ST8SIA4: variants seen among roughly 807,000 people sequenced by gnomAD.
ST8SIA4 encodes ST8 alpha-N-acetyl-neuraminide alpha-2,8-sialyltransferase 4, also known as CMP-N-acetylneuraminate-poly-alpha-2,8-sialyltransferase.
A neutral mutation model predicts 33.9 loss-of-function variants in ST8SIA4; 15 were observed. That is an observed-to-expected ratio of 0.44 (90% CI 0.30 to 0.68). The LOEUF (loss-of-function observed/expected upper bound fraction) is 0.68. Among genes scored for constraint, ST8SIA4 ranks in the 30% least tolerant of loss-of-function variants. The probability of loss-of-function intolerance (pLI) is 0.10; values close to 1 mark genes in which losing one functional copy is unlikely to be tolerated. For missense variants in ST8SIA4, 321 were observed against 428.0 expected, an observed-to-expected ratio of 0.75 and a Z score of 2.21; for synonymous variants, 171 against 151.2, an observed-to-expected ratio of 1.13 and a Z score of -0.96.
chr5:100,839,563 C>G (rs904837401), intron 4 of ST8SIA4, among the ~76,000 whole-genome samples: 5 of 151,902 alleles, frequency 3.3e-5, no homozygotes. Flanking sequence ...GTTTCCTCTT[C>G]TTGTCTATGA....
At chr5:100,871,174 T>G (rs1484943870) in intron 3 of ST8SIA4, among the ~76,000 whole-genome samples, 6 of 152,140 alleles carry the variant, frequency 3.9e-5, no homozygotes, top group African/African-American at 1.4e-4. Context: ...ATTTTTTTTC[T>G]GTTCCAGAAA....
chr5:100,896,610 G>A (rs1752785519), intron 1 of ST8SIA4, among the ~76,000 whole-genome samples: 1 of 152,088 alleles, frequency 6.6e-6, no homozygotes, highest in South Asian at 2.1e-4. Flanking sequence ...ATGCTTTTGA[G>A]GTGATGGATA....
At chr5:100,839,621 A>G (rs1561390432) in intron 4 of ST8SIA4, among the ~76,000 whole-genome samples, 1 of 151,974 alleles carries the variant, frequency 6.6e-6, no homozygotes, top group Non-Finnish European at 1.5e-5. Flanking sequence ...AGACAGAAAC[A>G]GCTCAAGATC....
At chr5:100,879,578 T>A (rs1752373324) in intron 3 of ST8SIA4, among the ~76,000 whole-genome samples, 2 of 152,178 alleles carry the variant, frequency 1.3e-5, no homozygotes, top group South Asian at 4.1e-4. Flanking sequence ...ACATGTAAAG[T>A]AGCCTCTACC....
intron 3 of ST8SIA4, among the ~76,000 whole-genome samples, chr5:100,872,491 A>G (rs933996955): frequency 3.3e-5 from 5 of 152,108 alleles, no homozygotes; most frequent in South Asian, 2.1e-4. Flanking sequence ...CTTGAATTGT[A>G]GTTCTCATAA....
chr5:100,835,156 T>A (rs1751342415), intron 4 of ST8SIA4, among the ~76,000 whole-genome samples: 1 of 152,142 alleles, frequency 6.6e-6, no homozygotes. Flanking sequence ...CAATCACAAA[T>A]GCTAAAGCTA....
intron 2 of ST8SIA4, among the ~76,000 whole-genome samples, chr5:100,891,061 A>ATT (rs1752649358): frequency 1.3e-5 from 2 of 151,972 alleles, no homozygotes; most frequent in Non-Finnish European, 2.9e-5. Flanking sequence ...AATGTTAAAT[A>ATT]TAACTAAGTT....
intron 1 of ST8SIA4, among the ~76,000 whole-genome samples, chr5:100,898,758 C>T (rs193113294): frequency 9.2e-5 from 14 of 152,262 alleles, no homozygotes; most frequent in African/African-American, 3.4e-4. Context: ...ATGTTGCCAC[C>T]CCCCTACTTG....
At chr5:100,877,707 T>C (rs1295268440) in intron 3 of ST8SIA4, among the ~76,000 whole-genome samples, 1 of 152,134 alleles carries the variant, frequency 6.6e-6, no homozygotes, top group African/African-American at 2.4e-5. Flanking sequence ...GAAGAAATAA[T>C]CCAAAGTCTA....
chr5:100,857,562 A>G (rs1233254115), intron 3 of ST8SIA4, among the ~76,000 whole-genome samples: 1 of 151,936 alleles, frequency 6.6e-6, no homozygotes, highest in South Asian at 2.1e-4. Context: ...TCAGCCTTTC[A>G]AGGGAAGGGA....
At position 100,853,435 on chromosome 5, in the gene ST8SIA4, G is replaced by T. The variant is rs1321778822; in HGVS notation, c.797+2668C>A. Among the ~76,000 whole-genome samples the T allele has an allele frequency of 2.6e-5, 4 of 152,114 alleles. No homozygotes were observed. In the South Asian group the frequency reaches 6.2e-4, roughly 24 times the overall value. On this transcript the variant is annotated intron_variant, in intron 4 of 4. Coordinates refer to ENST00000231461, the MANE Select transcript of ST8SIA4 (RefSeq NM_005668.6). ...CTCAATACCTTGACACTTTAAGAGG[G>T]TATATGTAGATTTGTGAACAGGAAG...
chr5:100,874,395 T>C (rs1323034944), intron 3 of ST8SIA4, among the ~76,000 whole-genome samples: 1 of 152,154 alleles, frequency 6.6e-6, no homozygotes, highest in African/African-American at 2.4e-5. Flanking sequence ...AAAAACTTCA[T>C]CCAATATCAC....
chr5:100,895,692 T>C lies in ST8SIA4; in HGVS notation c.207A>G (p.Glu69=). The C allele has an allele frequency of 1.2e-6, 2 of 1,612,290 alleles. No homozygotes were observed. The highest frequency in any genetic ancestry group is 2.2e-5 in the South Asian group (2 of 90,854). Residue 69 remains glutamate, a synonymous_variant, in exon 2 of 5, where the codon GAA becomes GAG. Transcript: ENST00000231461. ...CCAAAGAGGAATTGATTTTCCAACC[T>C]TCTACATTGTGCTGGAAGATTGAAG... ...AGSSIFQHNV[E]GWKINSSLVL... is the part of the protein sequence containing the mutation.
intron 3 of ST8SIA4, among the ~76,000 whole-genome samples, chr5:100,865,699 T>C (rs1752047254): frequency 1.3e-5 from 2 of 152,122 alleles, no homozygotes; most frequent in African/African-American, 4.8e-5. Flanking sequence ...GTCACCAAAA[T>C]ACAAGCATCT....
intron 3 of ST8SIA4, 156 bp downstream of exon 3, chr5:100,886,187 G>C (rs1220928202): frequency 2.1e-6 from 3 of 1,428,626 alleles, no homozygotes; most frequent in African/African-American, 1.4e-5. Context: ...TTCTATTCCA[G>C]GGTAAATGTA....
rs943532327 is a variant in ST8SIA4 at position 100,809,181 on chromosome 5, G to A, written c.*2666C>T. 10 of 152,506 alleles carry A rather than the reference G, an allele frequency of 6.6e-5. No homozygotes were observed. The highest frequency in any genetic ancestry group is 4.6e-4 in the Admixed American group (7 of 15,270). The allele number at this position is 152,506 out of a possible 1,614,324, so 9.4% of individuals were successfully genotyped here. On this transcript the variant is annotated 3_prime_UTR_variant, in exon 5 of 5. Transcript: ENST00000231461. ...ATACTAAAAATGGTCCGGCTGCGGTGGCTCACACCTGTAATCCCAGCACTT... is the reference window on the plus strand; with the variant it reads ...ATACTAAAAATGGTCCGGCTGCGGTAGCTCACACCTGTAATCCCAGCACTT...
intron 4 of ST8SIA4, among the ~76,000 whole-genome samples, chr5:100,819,011 C>G (rs918797816): frequency 1.3e-5 from 2 of 152,158 alleles, no homozygotes; most frequent in African/African-American, 4.8e-5. Flanking sequence ...ATTTTGCCAA[C>G]TGTCTCATAT....
chr5:100,900,900 T>G (rs1561412028), intron 1 of ST8SIA4, among the ~76,000 whole-genome samples: 1 of 152,172 alleles, frequency 6.6e-6, no homozygotes, highest in Non-Finnish European at 1.5e-5. Context: ...ATAACCCCGG[T>G]GCGCGCCTCT....
chr5:100,842,892 CAT>C (rs1028789523), intron 4 of ST8SIA4, among the ~76,000 whole-genome samples: 1 of 151,850 alleles, frequency 6.6e-6, no homozygotes, highest in African/African-American at 2.4e-5. Context: ...CATTCAGTCA[CAT>C]GATTCTTTTA....
Sources: allele counts gnomAD v4.1 joint callset (sites outside exome capture counted in the v4.1 genomes callset), GRCh38; gene constraint gnomAD v4.1.1; transcripts MANE v1.5; gene names NCBI Gene and HGNC (gene_info 2026-07-23, HGNC 2026-07-21).